SLC9A9: variants seen among roughly 807,000 people sequenced by gnomAD.
SLC9A9 encodes sodium/hydrogen exchanger 9.
SLC9A9 carries 62 observed loss-of-function variants against 77.8 expected under a neutral mutation model. The observed-to-expected ratio is 0.80, with a 90% confidence interval of 0.65 to 0.98. SLC9A9 has a LOEUF of 0.98. SLC9A9 is among the 50% of genes least tolerant of loss of function. The pLI, the probability that SLC9A9 is intolerant of heterozygous loss-of-function variation, is 0.00. For synonymous variants in SLC9A9, 320 were observed against 283.5 expected (o/e 1.13, Z -1.29); for missense variants, 775 against 774.9 (o/e 1.00, Z 0.00).
At chr3:143,455,985 C>G (rs2035084177) in intron 12 of SLC9A9, among the ~76,000 whole-genome samples, 1 of 151,808 alleles carries the variant, frequency 6.6e-6, no homozygotes, top group Admixed American at 6.6e-5. Flanking sequence ...TTGTCTCATT[C>G]TTAATATTAG....
chr3:143,418,743 G>T (rs1309428974), intron 12 of SLC9A9, among the ~76,000 whole-genome samples: 1 of 152,148 alleles, frequency 6.6e-6, no homozygotes, highest in Non-Finnish European at 1.5e-5. Flanking sequence ...GCAATATTGA[G>T]TGCCAATTTC....
intron 14 of SLC9A9, among the ~76,000 whole-genome samples, chr3:143,309,139 C>T (rs759701964): frequency 1.3e-5 from 2 of 152,168 alleles, no homozygotes; most frequent in Admixed American, 6.5e-5. Flanking sequence ...TCTCTACTTC[C>T]AACCCTAAAT....
intron 9 of SLC9A9, among the ~76,000 whole-genome samples, chr3:143,537,918 A>T (rs2036620058): frequency 6.6e-6 from 1 of 152,196 alleles, no homozygotes; most frequent in African/African-American, 2.4e-5. Context: ...TTAAAGGTTT[A>T]GTTATCTTTT....
At chr3:143,573,749 G>A (rs1341441166) in intron 8 of SLC9A9, among the ~76,000 whole-genome samples, 1 of 152,064 alleles carries the variant, frequency 6.6e-6, no homozygotes, top group Non-Finnish European at 1.5e-5. Flanking sequence ...TCTCTACAAA[G>A]CAGTTGTGGG....
chr3:143,600,980 TG>T (rs1361594892), intron 6 of SLC9A9, among the ~76,000 whole-genome samples: 1 of 152,130 alleles, frequency 6.6e-6, no homozygotes, highest in Non-Finnish European at 1.5e-5. Flanking sequence ...AAGTGGTGAA[TG>T]GGGATGTAAG....
intron 14 of SLC9A9, among the ~76,000 whole-genome samples, chr3:143,310,528 CAAA>C (rs397754793): frequency 4.3e-5 from 5 of 115,196 alleles, no homozygotes; most frequent in African/African-American, 9.5e-5. Flanking sequence ...AGTCTTCTAT[CAAA>C]AAAAAAAAAA....
At chr3:143,370,467 C>T (rs990894154) in intron 13 of SLC9A9, among the ~76,000 whole-genome samples, 2 of 151,792 alleles carry the variant, frequency 1.3e-5, no homozygotes, top group Non-Finnish European at 2.9e-5. Flanking sequence ...TCTCACTGTA[C>T]CTGCTTCATT....
chr3:143,373,348 G>A (rs924660575), intron 13 of SLC9A9, among the ~76,000 whole-genome samples: 21 of 152,024 alleles, frequency 1.4e-4, no homozygotes, highest in Non-Finnish European at 2.5e-4. Flanking sequence ...AATAACTCAC[G>A]AATGGTAAAC....
At chr3:143,747,307 G>A (rs1401391045) in intron 4 of SLC9A9, among the ~76,000 whole-genome samples, 3 of 151,822 alleles carry the variant, frequency 2.0e-5, no homozygotes, top group Non-Finnish European at 4.4e-5. Context: ...GGGAGGCTGA[G>A]GCAGGAGAAT....
chr3:143,676,895 G>A (rs1365194674), intron 5 of SLC9A9, among the ~76,000 whole-genome samples: 2 of 152,228 alleles, frequency 1.3e-5, no homozygotes, highest in Non-Finnish European at 2.9e-5. Flanking sequence ...TTTACTACTT[G>A]TGAGTTGTAA....
chr3:143,527,041 A>G (rs2108617986), intron 9 of SLC9A9, among the ~76,000 whole-genome samples: 1 of 152,258 alleles, frequency 6.6e-6, no homozygotes, highest in East Asian at 1.9e-4. Flanking sequence ...TAAGTTTTTT[A>G]CATCTCTAGT....
rs765377457 is a variant in SLC9A9 at position 143,268,857 on chromosome 3, G to C, written c.1710+18C>G. ...ACAAGGGATATTCCCTCACCCTAGA[G>C]GCCTGAGATTTACTTACCCCATAGG... On this transcript the variant is annotated intron_variant, in intron 15 of 15. Transcript: ENST00000316549. 3 of 1,588,730 alleles carry C rather than the reference G, an allele frequency of 1.9e-6. No individual in the cohort carries two copies. The highest frequency in any genetic ancestry group is 2.6e-6 in the Non-Finnish European group (3 of 1,158,166).
At chr3:143,769,384 A>G (rs1266242414) in intron 4 of SLC9A9, among the ~76,000 whole-genome samples, 1 of 152,142 alleles carries the variant, frequency 6.6e-6, no homozygotes, top group Non-Finnish European at 1.5e-5. Flanking sequence ...ATCTCTACCC[A>G]TGTTAACATT....
intron 4 of SLC9A9, among the ~76,000 whole-genome samples, chr3:143,786,102 G>T (rs1373752405): frequency 1.3e-5 from 2 of 151,774 alleles, no homozygotes; most frequent in African/African-American, 4.8e-5. Context: ...TGATCCGCCC[G>T]TCTCGGCCTC....
At chr3:143,658,214 T>C (rs978216373) in intron 5 of SLC9A9, among the ~76,000 whole-genome samples, 7 of 152,200 alleles carry the variant, frequency 4.6e-5, no homozygotes, top group African/African-American at 1.7e-4. Context: ...CAAAAACTCT[T>C]TGGAGTCTTT....
intron 6 of SLC9A9, among the ~76,000 whole-genome samples, chr3:143,618,001 A>G (rs900534927): frequency 6.6e-6 from 1 of 152,220 alleles, no homozygotes; most frequent in African/African-American, 2.4e-5. Context: ...GAGGCTTTTG[A>G]ATAAGTCCAG....
intron 12 of SLC9A9, among the ~76,000 whole-genome samples, chr3:143,405,806 G>A (rs2033965013): frequency 6.6e-6 from 1 of 152,196 alleles, no homozygotes; most frequent in Non-Finnish European, 1.5e-5. Context: ...AACAGCAGTG[G>A]AGGGAGAACA....
intron 9 of SLC9A9, among the ~76,000 whole-genome samples, chr3:143,498,677 T>G (rs2035880255): frequency 6.6e-6 from 1 of 152,046 alleles, no homozygotes; most frequent in African/African-American, 2.4e-5. Context: ...TAATTTAAGA[T>G]TTAAAAAAAA....
Position 143,325,080 on chromosome 3 carries a change from A to G in SLC9A9, c.1604+38404T>C, listed in dbSNP as rs2031540978. Among the ~76,000 whole-genome samples, 4 of 141,880 alleles carry G rather than the reference A, an allele frequency of 2.8e-5. No homozygotes were observed. In the South Asian group the frequency reaches 8.9e-4, roughly 32 times the overall value. 93.1% of individuals were successfully genotyped at this position (141,880 alleles called of 152,430 possible). A position where few individuals can be genotyped will look rare whatever the true frequency, so the allele number is the denominator to read the frequency against. On this transcript the variant is annotated intron_variant, in intron 14 of 15. Coordinates refer to ENST00000316549, the MANE Select transcript of SLC9A9 (RefSeq NM_173653.4). The stretch of plus-strand genomic sequence containing the variant: ...TTCTGTCTCTTCTTATTAACCAGAA[A>G]AAAAAAAAAAAAAAACCTTCCACAC...
Sources: allele counts gnomAD v4.1 joint callset (sites outside exome capture counted in the v4.1 genomes callset), GRCh38; gene constraint gnomAD v4.1.1; transcripts MANE v1.5; gene names NCBI Gene and HGNC (gene_info 2026-07-23, HGNC 2026-07-21).